Variants in TENM2 observed in about 807,000 individuals in gnomAD.
The protein encoded by TENM2 is teneurin transmembrane protein 2.
In TENM2, 52 loss-of-function variants were observed where a neutral mutation model predicts 245.2. The observed-to-expected ratio is 0.21, with a 90% confidence interval of 0.17 to 0.27. The LOEUF is 0.27. Ranked by LOEUF, TENM2 falls within the 10% of genes least tolerant of loss-of-function variation. The pLI, the probability that TENM2 is intolerant of heterozygous loss-of-function variation, is 1.00. For synonymous variants in TENM2, 1,363 were observed against 1,438.9 expected, an observed-to-expected ratio of 0.95 and a Z score of 1.19; for missense variants, 3,046 against 3,666.8, an observed-to-expected ratio of 0.83 and a Z score of 4.37.
rs112908182 is a variant in TENM2, at chr5:168,157,364, A to G, written c.2423-5247A>G. On this transcript the variant is annotated intron_variant, in intron 12 of 28. Transcript: ENST00000518659. ...GACTTCAGACTTTACCCATGGGTCA[A>G]TGGAAAGCTATTGAAGTGTTTCCAG... Among the ~76,000 whole-genome samples the G allele has an allele frequency of 1.1e-4, 16 of 152,282 alleles. 1 individual carries two copies. Among genetic ancestry groups the G allele is most frequent in the African/African-American group, 3.8e-4 (16 of 41,560 alleles).
At chr5:168,075,067 T>C (rs959906473) in intron 7 of TENM2, among the ~76,000 whole-genome samples, 1 of 152,102 alleles carries the variant, frequency 6.6e-6, no homozygotes, top group South Asian at 2.1e-4. Context: ...CAATGTGTAG[T>C]TTTTTTATCC....
intron 2 of TENM2, among the ~76,000 whole-genome samples, chr5:167,669,744 G>C (rs1755811869): frequency 6.6e-6 from 1 of 152,100 alleles, no homozygotes; most frequent in African/African-American, 2.4e-5. Context: ...GGGGGAGGGA[G>C]TGCCTGTAAT....
chr5:167,292,076 C>T (rs1454657129), intron 1 of TENM2, among the ~76,000 whole-genome samples: 1 of 152,138 alleles, frequency 6.6e-6, no homozygotes, highest in African/African-American at 2.4e-5. Flanking sequence ...TCTCATGAGA[C>T]TTATTCACTA....
intron 1 of TENM2, among the ~76,000 whole-genome samples, chr5:167,370,362 A>C (rs1297026611): frequency 7.4e-6 from 1 of 135,292 alleles, no homozygotes; most frequent in Admixed American, 7.5e-5. Context: ...AAAAAAAAAA[A>C]AAAAAAAAAG....
rs766475289 is a variant in TENM2 at position 168,218,595 on chromosome 5, G to A, written c.4704G>A (p.Arg1568=). ...CAGACCTTGGAAATATTCGGATCAG[G>A]GCGGTCAGCAAGAACAAGCCTGTTC... The change falls in exon 23 of 29, where the codon AGG becomes AGA. Residue 1568 remains arginine (R), a synonymous_variant. Transcript: ENST00000518659. This position sits in a 1 kb window ranked among gnomAD's most constrained non-coding sequence, Gnocchi z 5.2. 3 of 1,613,982 alleles carry A rather than the reference G, an allele frequency of 1.9e-6. No homozygotes were observed. The highest frequency in any genetic ancestry group is 1.1e-5 in the South Asian group (1 of 91,078).
At chr5:168,138,891 A>G (rs557314121) in intron 12 of TENM2, among the ~76,000 whole-genome samples, 5 of 152,314 alleles carry the variant, frequency 3.3e-5, no homozygotes, top group African/African-American at 1.2e-4. Flanking sequence ...TGTGAATATC[A>G]CCGAGGCAGC....
At chr5:168,035,025 A>G (rs182876654) in intron 5 of TENM2, among the ~76,000 whole-genome samples, 1 of 152,334 alleles carries the variant, frequency 6.6e-6, no homozygotes, top group African/African-American at 2.4e-5. Flanking sequence ...TTAGCATCTG[A>G]ATTGAGATGT....
At chr5:168,033,536 T>TATTA (rs1462861199) in intron 5 of TENM2, among the ~76,000 whole-genome samples, 1 of 152,180 alleles carries the variant, frequency 6.6e-6, no homozygotes, top group Non-Finnish European at 1.5e-5. Flanking sequence ...TTATCATTAT[T>TATTA]ATTAGCCTGG....
At chr5:168,092,077 G>T (rs1176387996) in intron 8 of TENM2, among the ~76,000 whole-genome samples, 1 of 152,108 alleles carries the variant, frequency 6.6e-6, no homozygotes, top group Non-Finnish European at 1.5e-5. Context: ...TACATTTTAA[G>T]AACTTTTCTA....
chr5:167,104,414 A>G, the TENM2 span, among the ~76,000 whole-genome samples: 1 of 152,212 alleles, frequency 6.6e-6, no homozygotes, highest in East Asian at 1.9e-4. Flanking sequence ...CTTGACCTCT[A>G]AGAACTTATT....
At position 167,966,287 on chromosome 5, in the gene TENM2, T is replaced by A. The variant is rs1329889114; in HGVS notation, c.947+13465T>A. Among the ~76,000 whole-genome samples, 4 of 152,190 alleles carry A rather than the reference T, an allele frequency of 2.6e-5. No homozygotes were observed. In the East Asian group the frequency reaches 7.7e-4, roughly 29 times the overall value. On this transcript the variant is annotated intron_variant, in intron 4 of 28. Coordinates refer to ENST00000518659, the Ensembl canonical transcript of TENM2. ...ACAGCTACTTGTTTAGCTCTGCAAC[T>A]CGTAGGATCTTTTTCATTCTAAACA...
chr5:167,365,333 A>G (rs1199270926), intron 1 of TENM2, among the ~76,000 whole-genome samples: 1 of 151,912 alleles, frequency 6.6e-6, no homozygotes, highest in African/African-American at 2.4e-5. Flanking sequence ...TAAAGAAAAT[A>G]TTTCAAATCA....
At chr5:168,045,370 G>A (rs1788524363) in intron 5 of TENM2, among the ~76,000 whole-genome samples, 2 of 152,358 alleles carry the variant, frequency 1.3e-5, no homozygotes, top group South Asian at 4.1e-4. Context: ...CACAGTTGCA[G>A]GGATGTCTCT....
intron 2 of TENM2, among the ~76,000 whole-genome samples, chr5:167,457,384 G>A (rs766044645): frequency 6.6e-6 from 1 of 151,202 alleles, no homozygotes; most frequent in African/African-American, 2.4e-5. Flanking sequence ...CCAGGCTGGA[G>A]TGCAATGGCG....
intron 2 of TENM2, among the ~76,000 whole-genome samples, chr5:167,782,313 C>CAAAAAAAAAAAAAAAAAAAAAAA (rs767675565): frequency 3.4e-5 from 2 of 58,772 alleles, no homozygotes; most frequent in South Asian, 6.5e-4. Flanking sequence ...AACTCTGTCT[C>CAAAAAAAAAAAAAAAAAAAAAAA]AAAAAAAAAA....
At chr5:167,074,409 C>T in the TENM2 span, among the ~76,000 whole-genome samples, 1 of 152,054 alleles carries the variant, frequency 6.6e-6, no homozygotes, top group Non-Finnish European at 1.5e-5. Flanking sequence ...AGGGTGAAGA[C>T]ATGAACACTC....
chr5:167,565,259 G>A (rs1219509873), intron 2 of TENM2, among the ~76,000 whole-genome samples: 1 of 152,188 alleles, frequency 6.6e-6, no homozygotes, highest in Non-Finnish European at 1.5e-5. Context: ...TGAGGTCAGG[G>A]ATAGGTTTCT....
Position 168,137,092 on chromosome 5 carries a change from ACGTC to A in TENM2, c.2422+10128_2422+10131del, listed in dbSNP as rs375145869. ...GTGCAAACTGAACATCACAAAAAGT[ACGTC>A]CTGCCAGTTCCCAGAGAAAGAAAGG... On this transcript the variant is annotated intron_variant, in intron 12 of 28. Coordinates refer to ENST00000518659, the Ensembl canonical transcript of TENM2. 9.2e-5 allele frequency among the ~76,000 whole-genome samples: 14 copies of A among 152,320 alleles called. No individual in the cohort carries two copies. In the South Asian group the frequency reaches 2.9e-3, roughly 32 times the overall value.
intron 2 of TENM2, among the ~76,000 whole-genome samples, chr5:167,537,945 A>C (rs1407479870): frequency 6.6e-6 from 1 of 152,238 alleles, no homozygotes; most frequent in Admixed American, 6.5e-5. Context: ...CTTAGCTGTC[A>C]AACAAGCAGT....
Sources: allele counts gnomAD v4.1 joint callset (sites outside exome capture counted in the v4.1 genomes callset), GRCh38; gene constraint gnomAD v4.1.1; non-coding constraint Gnocchi (gnomAD v3.1); transcripts MANE v1.5; gene names NCBI Gene and HGNC (gene_info 2026-07-23, HGNC 2026-07-21).